TRHDE: variants seen among roughly 807,000 people sequenced by gnomAD.
TRHDE encodes thyrotropin releasing hormone degrading enzyme.
In TRHDE, 72 loss-of-function variants were observed where a neutral mutation model predicts 125.7. That is an observed-to-expected ratio of 0.57 (90% confidence interval 0.47 to 0.70). The LOEUF (loss-of-function observed/expected upper bound fraction) is 0.70. Ranked by LOEUF, TRHDE falls within the 30% of genes least tolerant of loss-of-function variation. The pLI is 0.00. For synonymous variants in TRHDE, 509 were observed against 509.1 expected (o/e 1.00, Z 0.00); for missense variants, 1,110 against 1,327.1 (o/e 0.84, Z 2.54).
intron 5 of TRHDE, among the ~76,000 whole-genome samples, chr12:72,495,530 T>A (rs1054137518): frequency 1.3e-5 from 2 of 152,164 alleles, no homozygotes; most frequent in African/African-American, 4.8e-5. Context: ...TGAAACCTTT[T>A]CTGAACTAAT....
At chr12:72,318,354 G>A (rs945623277) in intron 2 of TRHDE, among the ~76,000 whole-genome samples, 5 of 152,130 alleles carry the variant, frequency 3.3e-5, no homozygotes, top group Admixed American at 2.6e-4. Flanking sequence ...ATAAGTGCAG[G>A]CATAACCTTG....
At chr12:72,262,827 G>A (rs995948237) in intron 2 of TRHDE, 12 of 151,988 alleles carry the variant, frequency 7.9e-5, no homozygotes, top group Non-Finnish European at 1.5e-4. Context: ...GGATGTTAGC[G>A]CTTCTAAAAA....
At position 72,645,438 on chromosome 12, in the gene TRHDE, T is replaced by C. The variant is rs565525770; in HGVS notation, c.2676-6884T>C. Among the ~76,000 whole-genome samples, 4 of 152,054 alleles carry C rather than the reference T, an allele frequency of 2.6e-5. No individual in the cohort carries two copies. The South Asian group carries it at 8.3e-4, about 31-fold the overall frequency. On this transcript the variant is annotated intron_variant, in intron 15 of 18. Transcript: ENST00000261180. ...TACTTAAAAGAGCAAAAATGTAAAA[T>C]AATGAAAAGAAGTGAACAAAGCTTA...
intron 2 of TRHDE, among the ~76,000 whole-genome samples, chr12:72,145,295 G>T (rs899321486): frequency 1.3e-5 from 2 of 152,110 alleles, no homozygotes; most frequent in Non-Finnish European, 2.9e-5. Context: ...CTCTAGTGAT[G>T]GTTGTTTTGC....
chr12:72,278,418 C>G (rs1879570815), intron 1 of TRHDE, among the ~76,000 whole-genome samples: 1 of 152,142 alleles, frequency 6.6e-6, no homozygotes, highest in South Asian at 2.1e-4. Context: ...ATCTCCTCAA[C>G]ATGATGATTT....
At chr12:72,481,560 C>G (rs1342868311) in intron 5 of TRHDE, among the ~76,000 whole-genome samples, 2 of 134,096 alleles carry the variant, frequency 1.5e-5, no homozygotes, top group Non-Finnish European at 3.3e-5. Context: ...TCTCTACAGT[C>G]TTTTTTTTTT....
At chr12:72,384,992 C>T (rs1159401150) in intron 3 of TRHDE, among the ~76,000 whole-genome samples, 1 of 152,020 alleles carries the variant, frequency 6.6e-6, no homozygotes, top group Non-Finnish European at 1.5e-5. Flanking sequence ...TTATGTAATA[C>T]TATCTTGATC....
At chr12:72,443,192 CTGTGTGTGTGTG>C (rs58277850) in intron 3 of TRHDE, among the ~76,000 whole-genome samples, 1,811 of 144,506 alleles carry the variant, frequency 0.013, 39 homozygotes, top group African/African-American at 0.042. Flanking sequence ...TACTTCTTTC[CTGTGTGTGTGTG>C]TGTGTGTGTG....
intron 15 of TRHDE, among the ~76,000 whole-genome samples, chr12:72,642,010 C>T (rs1162564169): frequency 6.6e-6 from 1 of 152,142 alleles, no homozygotes; most frequent in Non-Finnish European, 1.5e-5. Flanking sequence ...AAAGAAACCC[C>T]AGATTGTTTT....
Position 72,562,157 on chromosome 12 carries a change from T to C in TRHDE, c.1789-8T>C, listed in dbSNP as rs201911045. The C allele has an allele frequency of 1.0e-4, 145 of 1,390,418 alleles. 1 individual carries two copies. The highest frequency in any genetic ancestry group is 1.8e-4 in the Admixed American group (10 of 56,648). The allele number at this position is 1,390,418 out of a possible 1,614,324, so 86.1% of individuals were successfully genotyped here. A position where few individuals can be genotyped will look rare whatever the true frequency, so the allele number is the denominator to read the frequency against. ...TTGAATTACAATTACAATTTTATAT[T>C]CTTGTAGGATTATTTAACCATTCAT... On this transcript the variant is annotated splice_polypyrimidine_tract_variant and splice_region_variant and intron_variant, in intron 7 of 18. Transcript: ENST00000261180.
chr12:72,638,740 A>G (rs1393182043), intron 15 of TRHDE, among the ~76,000 whole-genome samples: 3 of 151,516 alleles, frequency 2.0e-5, no homozygotes, highest in South Asian at 4.2e-4. Flanking sequence ...TCTGTAAAGT[A>G]TTTTATTTCT....
chr12:72,525,601 TTGTG>T (rs3081972), intron 6 of TRHDE, among the ~76,000 whole-genome samples: 1,833 of 127,548 alleles, frequency 0.014, 18 homozygotes, highest in South Asian at 0.029. Flanking sequence ...TGTGTGTGGT[TTGTG>T]TGTGTGTGTG....
At chr12:72,527,069 T>G (rs1868348967) in intron 6 of TRHDE, among the ~76,000 whole-genome samples, 1 of 147,638 alleles carries the variant, frequency 6.8e-6, no homozygotes. Flanking sequence ...GCTCTTATGC[T>G]TATTTAGTGT....
chr12:72,436,084 T>C (rs549704475), intron 3 of TRHDE, among the ~76,000 whole-genome samples: 105 of 152,222 alleles, frequency 6.9e-4, no homozygotes, highest in African/African-American at 2.2e-3. Context: ...TTTTATTATG[T>C]GGAGTTTGAC....
intron 12 of TRHDE, among the ~76,000 whole-genome samples, chr12:72,576,201 T>A (rs1163734532): frequency 6.6e-6 from 1 of 152,180 alleles, no homozygotes; most frequent in Admixed American, 6.6e-5. Flanking sequence ...TATTTCATAC[T>A]GTTTCACAGC....
intron 2 of TRHDE, among the ~76,000 whole-genome samples, chr12:72,330,471 C>T (rs1869542355): frequency 6.6e-6 from 1 of 152,208 alleles, no homozygotes; most frequent in Non-Finnish European, 1.5e-5. Context: ...AGCGCTCTGC[C>T]TGGAAAGCTA....
At chr12:72,338,009 A>T (rs961155781) in intron 2 of TRHDE, among the ~76,000 whole-genome samples, 1 of 152,118 alleles carries the variant, frequency 6.6e-6, no homozygotes, top group East Asian at 1.9e-4. Flanking sequence ...AAAGCAACTT[A>T]TAGAAAATTT....
At chr12:72,413,627 A>AT (rs1390564663) in intron 3 of TRHDE, among the ~76,000 whole-genome samples, 2 of 152,104 alleles carry the variant, frequency 1.3e-5, no homozygotes, top group African/African-American at 4.8e-5. Context: ...TATTTTATAG[A>AT]TAAAAACGAG....
intron 5 of TRHDE, among the ~76,000 whole-genome samples, chr12:72,476,986 T>C (rs957740966): frequency 6.6e-6 from 1 of 152,134 alleles, no homozygotes; most frequent in African/African-American, 2.4e-5. Flanking sequence ...TTTATAGATA[T>C]GGGGTTTTAC....
Sources: allele counts gnomAD v4.1 joint callset (sites outside exome capture counted in the v4.1 genomes callset), GRCh38; gene constraint gnomAD v4.1.1; transcripts MANE v1.5; gene names NCBI Gene and HGNC (gene_info 2026-07-23, HGNC 2026-07-21).